Variants in USP13 observed in about 807,000 individuals in gnomAD.
USP13 encodes the protein ubiquitin specific peptidase 13.
Under a neutral mutation model 107.8 loss-of-function variants are expected in USP13, and 68 were observed. That is an observed-to-expected ratio of 0.63 (90% CI 0.52 to 0.77). The LOEUF (loss-of-function observed/expected upper bound fraction) is 0.77, where lower values mean the gene tolerates loss of function less well. Among genes scored for constraint, USP13 ranks in the 30% least tolerant of loss-of-function variants. The probability of loss-of-function intolerance (pLI) is 0.00; values close to 1 mark genes in which losing one functional copy is unlikely to be tolerated. For synonymous variants in USP13, 377 were observed against 389.5 expected (o/e 0.97, Z 0.38); for missense variants, 945 against 1,093.3 (o/e 0.86, Z 1.91).
intron 6 of USP13, among the ~76,000 whole-genome samples, chr3:179,715,780 G>A (rs1311785793): frequency 6.6e-6 from 1 of 152,012 alleles, no homozygotes; most frequent in African/African-American, 2.4e-5. Flanking sequence ...ATGCAGTTTG[G>A]GTGGACAGAT....
At chr3:179,731,272 G>C (rs150707870) in intron 10 of USP13, among the ~76,000 whole-genome samples, 1 of 152,162 alleles carries the variant, frequency 6.6e-6, no homozygotes, top group African/African-American at 2.4e-5. Context: ...TTAGCTGGGC[G>C]TGGTGGTGCA....
At position 179,721,467 on chromosome 3, in the gene USP13, G is replaced by A. The variant is rs1713314258; in HGVS notation, c.966G>A (p.Glu322=). 1.9e-6 allele frequency: 3 copies of A among 1,614,184 alleles called. No individual in the cohort carries two copies. The highest frequency in any genetic ancestry group is 2.5e-6 in the Non-Finnish European group (3 of 1,180,008). Residue 322 remains glutamate (E), a synonymous_variant, in exon 8 of 21, where the codon GAG becomes GAA. Transcript: ENST00000263966. The surrounding 1 kb of genome is among the most constrained non-coding windows in gnomAD (Gnocchi z 4.3). ...TCAGTGAGTGGGAAGTGATCCAGGA[G>A]TCGGGCACGAAACTGAAGCCAATGT... ...LRVSEWEVIQ[E]SGTKLKPMYG... is the part of the protein sequence containing the mutation.
intron 8 of USP13, among the ~76,000 whole-genome samples, chr3:179,725,457 G>A (rs373575354): frequency 5.3e-5 from 8 of 152,282 alleles, no homozygotes; most frequent in Admixed American, 1.3e-4. Flanking sequence ...TTTGTCCTTT[G>A]AATGGGACTG....
chr3:179,678,947 T>G lies in USP13; in HGVS notation c.169-2931T>G, dbSNP rs1356703768. ...CTGTCATTAGGAAATAGAGACCACT[T>G]TACTTCTTTCTTTGTGATCTTTATA... On this transcript the variant is annotated intron_variant, in intron 1 of 20. Transcript: ENST00000263966. The surrounding 1 kb of genome is among the most constrained non-coding windows in gnomAD (Gnocchi z 4.2). 2.6e-5 allele frequency among the ~76,000 whole-genome samples: 4 copies of G among 152,220 alleles called. No individual in the cohort carries two copies. Among genetic ancestry groups the G allele is most frequent in the Admixed American group, 2.6e-4 (4 of 15,280 alleles).
intron 10 of USP13, among the ~76,000 whole-genome samples, chr3:179,735,344 G>A (rs564367149): frequency 6.6e-6 from 1 of 151,928 alleles, no homozygotes; most frequent in African/African-American, 2.4e-5. Context: ...CATGCTTTCT[G>A]TAATCTAATT....
At position 179,767,959 on chromosome 3, in the gene USP13, C is replaced by A. The variant is rs1047924569; in HGVS notation, c.2413+2111C>A. 4.6e-5 allele frequency among the ~76,000 whole-genome samples: 7 copies of A among 152,198 alleles called. 1 individual carries two copies. Among genetic ancestry groups the A allele is most frequent in the East Asian group, 1.9e-4 (1 of 5,180 alleles). ...TTTCATCACTGAAACTGTTTCAATG[C>A]CAACTGGATAAGAAAGGATGAGATG... is the stretch of plus-strand genomic sequence containing the variant. On this transcript the variant is annotated intron_variant, in intron 19 of 20. Transcript: ENST00000263966.
chr3:179,737,732 T>C (rs1714043087), intron 10 of USP13, among the ~76,000 whole-genome samples: 1 of 152,236 alleles, frequency 6.6e-6, no homozygotes, highest in African/African-American at 2.4e-5. Flanking sequence ...AGGAATTCTT[T>C]GAGAGCTACC....
intron 4 of USP13, among the ~76,000 whole-genome samples, chr3:179,704,735 T>C (rs1033446973): frequency 1.3e-5 from 2 of 152,178 alleles, no homozygotes; most frequent in South Asian, 4.1e-4. Context: ...AAGCTAATTA[T>C]ACAACAGCAT....
At chr3:179,663,230 G>T (rs1720501937) in intron 1 of USP13, among the ~76,000 whole-genome samples, 1 of 152,168 alleles carries the variant, frequency 6.6e-6, no homozygotes, top group African/African-American at 2.4e-5. Flanking sequence ...TATACAAGTG[G>T]AATCATGCAA....
intron 4 of USP13, among the ~76,000 whole-genome samples, chr3:179,706,518 T>C (rs1712724247): frequency 6.6e-6 from 1 of 152,190 alleles, no homozygotes; most frequent in Non-Finnish European, 1.5e-5. Flanking sequence ...CATTGTGTGA[T>C]GAGTTGAGGA....
rs142250396 is a variant in USP13, at chr3:179,675,536, T to TA, written c.169-6342_169-6341insA. ...TATATGAGTTTTATCTGTAACCTAT[T>TA]TTATTATTATTATTATTATTATTAT... On this transcript the variant is annotated intron_variant, in intron 1 of 20. Coordinates refer to ENST00000263966, the MANE Select transcript of USP13 (RefSeq NM_003940.3). Among the ~76,000 whole-genome samples, 220 of 146,380 alleles carry TA rather than the reference T, an allele frequency of 1.5e-3. 2 individuals are homozygous for TA. The highest frequency in any genetic ancestry group is 5.1e-3 in the African/African-American group (203 of 39,554).
At chr3:179,686,179 G>A (rs1034490172) in intron 2 of USP13, among the ~76,000 whole-genome samples, 2 of 152,244 alleles carry the variant, frequency 1.3e-5, no homozygotes, top group East Asian at 3.9e-4. Context: ...CTTTCCTTAA[G>A]CCTTTTCTAT....
At position 179,700,498 on chromosome 3, in the gene USP13, C is replaced by T. The variant is rs938067112; in HGVS notation, c.356-510C>T. 1.2e-4 allele frequency among the ~76,000 whole-genome samples: 19 copies of T among 152,050 alleles called. 1 individual carries two copies. Among genetic ancestry groups the T allele is most frequent in the Admixed American group, 3.9e-4 (6 of 15,256 alleles). ...TAAGGCTTAGAGAGTTTATGACTTG[C>T]CCAAAGTAACATTAAGTTTTGGAGC... On this transcript the variant is annotated intron_variant, in intron 3 of 20. Transcript: ENST00000263966.
intron 2 of USP13, 103 bp downstream of exon 2, chr3:179,682,106 G>T (rs1711681281): frequency 7.0e-7 from 1 of 1,425,202 alleles, no homozygotes; most frequent in Non-Finnish European, 9.4e-7. Flanking sequence ...CATAACTTCC[G>T]ATTCCCTTTG....
At chr3:179,741,694 A>G (rs2268930) in intron 11 of USP13, among the ~76,000 whole-genome samples, 66,148 of 152,080 alleles carry the variant, frequency 0.43, 15,005 homozygotes, top group East Asian at 0.62. Context: ...TGCCCCTCCC[A>G]TCACTTTCCA....
intron 1 of USP13, among the ~76,000 whole-genome samples, chr3:179,658,979 C>A (rs757606128): frequency 6.6e-6 from 1 of 152,134 alleles, no homozygotes; most frequent in African/African-American, 2.4e-5. Flanking sequence ...AAAAGGTGGC[C>A]GGAGGGGATA....
At chr3:179,780,453 T>C (rs983842617) in intron 19 of USP13, among the ~76,000 whole-genome samples, 1 of 151,916 alleles carries the variant, frequency 6.6e-6, no homozygotes, top group Admixed American at 6.6e-5. Flanking sequence ...ATTCCAGAAA[T>C]GAAATTAAGA....
At chr3:179,670,009 G>C (rs201496280) in intron 1 of USP13, among the ~76,000 whole-genome samples, 11,836 of 152,182 alleles carry the variant, frequency 0.078, 996 homozygotes, top group African/African-American at 0.2. Flanking sequence ...CTCTCCTCCT[G>C]TACTGTCGCC....
intron 2 of USP13, among the ~76,000 whole-genome samples, chr3:179,687,181 A>T (rs1711902253): frequency 1.3e-5 from 2 of 152,182 alleles, no homozygotes; most frequent in South Asian, 4.1e-4. Flanking sequence ...GCCCAGACTG[A>T]ACACAGTATT....
Sources: allele counts gnomAD v4.1 joint callset (sites outside exome capture counted in the v4.1 genomes callset), GRCh38; gene constraint gnomAD v4.1.1; non-coding constraint Gnocchi (gnomAD v3.1); transcripts MANE v1.5; gene names NCBI Gene and HGNC (gene_info 2026-07-23, HGNC 2026-07-21).